EFNB1: variants seen among roughly 807,000 people sequenced by gnomAD.
The protein encoded by EFNB1 is ephrin-B1.
In EFNB1, 1 loss-of-function variant was observed where a neutral mutation model predicts 18.1. The ratio of observed to expected loss-of-function variants is 0.06; its 90% CI spans 0.02 to 0.26. The LOEUF (loss-of-function observed/expected upper bound fraction) is 0.26, where lower values mean the gene tolerates loss of function less well. Among genes scored for constraint, EFNB1 ranks in the 10% least tolerant of loss-of-function variants. The pLI is 1.00. For synonymous variants in EFNB1, 131 were observed against 127.5 expected, an observed-to-expected ratio of 1.03 and a Z score of -0.19; for missense variants, 221 against 301.8, an observed-to-expected ratio of 0.73 and a Z score of 1.98.
At chrX:68,831,817 G>A (rs911046217) in intron 1 of EFNB1, among the ~76,000 whole-genome samples, 3 of 110,401 alleles carry the variant, frequency 2.7e-5, no homozygotes, top group African/African-American at 9.9e-5. Flanking sequence ...TACAGGTTTT[G>A]GGGGGTGGTA....
At chrX:68,833,084 G>C (rs889087848) in intron 1 of EFNB1, among the ~76,000 whole-genome samples, 2 of 110,251 alleles carry the variant, frequency 1.8e-5, no homozygotes, top group Admixed American at 1.9e-4. Context: ...GGGTGGGGGT[G>C]GGGGGGTTCA....
intron 3 of EFNB1, 55 bp downstream of exon 3, chrX:68,839,811 G>T: frequency 2.5e-6 from 3 of 1,178,817 alleles, no homozygotes; most frequent in Non-Finnish European, 3.4e-6. Flanking sequence ...CTTTGGAACA[G>T]ATGTTCCTGG....
At chrX:68,838,112 G>T (rs1036982634) in intron 1 of EFNB1, among the ~76,000 whole-genome samples, 6 of 103,774 alleles carry the variant, frequency 5.8e-5, no homozygotes, top group Non-Finnish European at 1.2e-4. Flanking sequence ...ACATGTGTGG[G>T]CTTGCTGTGT....
chrX:68,829,636 C>A lies in EFNB1; in HGVS notation c.-141C>A. 9.8e-7 allele frequency: 1 copy of A among 1,018,717 alleles called. No individual in the cohort carries two copies. Among genetic ancestry groups the A allele is most frequent in the Non-Finnish European group, 1.3e-6 (1 of 752,551 alleles). 84.0% of individuals were successfully genotyped at this position (1,018,717 alleles called of 1,213,427 possible). On this transcript the variant is annotated 5_prime_UTR_variant, in exon 1 of 5. Coordinates refer to ENST00000204961, the MANE Select transcript of EFNB1 (RefSeq NM_004429.5). The stretch of plus-strand genomic sequence containing the variant: ...CGGAGAAGAGCGACACCGAAGCCGG[C>A]GGGAGGGGAGCACTTCAAGGCCGGC...
chrX:68,838,594 A>T (rs2080468344), intron 1 of EFNB1, 23 bp from the exon 2 acceptor site: 2 of 1,209,895 alleles, frequency 1.7e-6, no homozygotes, highest in Non-Finnish European at 2.2e-6. Flanking sequence ...CCTGAGGCTG[A>T]CCATCTTCTT....
Position 68,838,676 on chromosome X carries a change from T to C in EFNB1, c.188T>C (p.Ile63Thr). The change falls in exon 2 of 5, where the codon ATC (isoleucine) becomes ACC (threonine). Residue 63 changes from isoleucine to threonine, a missense_variant. Transcript: ENST00000204961. ...YPKIGDKLDI[I>T]CPRAEAGRPY... The stretch of plus-strand genomic sequence containing the variant: ...AAAATTGGAGACAAGCTGGACATCA[T>C]CTGCCCCCGAGCAGAAGCAGGGCGG... 8.3e-7 allele frequency: 1 copy of C among 1,211,633 alleles called. No homozygotes were observed. Among genetic ancestry groups the C allele is most frequent in the Non-Finnish European group, 1.1e-6 (1 of 895,499 alleles).
At chrX:68,830,451 C>T (rs1473238160) in intron 1 of EFNB1, among the ~76,000 whole-genome samples, 3 of 113,212 alleles carry the variant, frequency 2.6e-5, no homozygotes, top group Non-Finnish European at 3.7e-5. Flanking sequence ...CTGTTTTCCT[C>T]CCTGGCTTTT....
At chrX:68,832,403 C>T (rs976590797) in intron 1 of EFNB1, among the ~76,000 whole-genome samples, 3 of 111,399 alleles carry the variant, frequency 2.7e-5, no homozygotes, top group South Asian at 3.8e-4. Context: ...CTCTTCCTTC[C>T]CCTCTTCCTC....
intron 2 of EFNB1, among the ~76,000 whole-genome samples, chrX:68,839,103 G>T (rs2147976625): frequency 8.9e-6 from 1 of 112,448 alleles, no homozygotes; most frequent in South Asian, 3.7e-4. Flanking sequence ...CTTGGCTCCA[G>T]GGGTTGGGCA....
intron 1 of EFNB1, among the ~76,000 whole-genome samples, chrX:68,830,778 T>A (rs980249370): frequency 1.8e-5 from 2 of 112,772 alleles, no homozygotes; most frequent in Non-Finnish European, 3.8e-5. Flanking sequence ...TGTGCTTAGT[T>A]TTCCCCAAGG....
chrX:68,838,488 G>A, intron 1 of EFNB1, 129 bp from the exon 2 acceptor site: 9 of 760,426 alleles, frequency 1.2e-5, no homozygotes, highest in Non-Finnish European at 1.6e-5. Context: ...GATGGAGGAA[G>A]GGCAGAAGGC....
intron 1 of EFNB1, among the ~76,000 whole-genome samples, chrX:68,836,031 GT>G: frequency 8.9e-6 from 1 of 111,816 alleles, no homozygotes; most frequent in South Asian, 3.8e-4. Context: ...GCATATATAT[GT>G]GTTGTTAAGA....
At chrX:68,839,413 A>G (rs1400714379) in intron 2 of EFNB1, among the ~76,000 whole-genome samples, 3 of 112,387 alleles carry the variant, frequency 2.7e-5, no homozygotes, top group Admixed American at 1.9e-4. Context: ...CCGAGGGGCC[A>G]TGGCCTGCTC....
chrX:68,831,635 T>C (rs762575754), intron 1 of EFNB1, among the ~76,000 whole-genome samples: 4 of 111,197 alleles, frequency 3.6e-5, no homozygotes, highest in South Asian at 7.7e-4. Flanking sequence ...TAGCCCATCA[T>C]AGGGGCTCAT....
Position 68,840,839 on chromosome X carries a change from A to G in EFNB1, c.*185A>G. ...TTCGGAGGGGGGTGCTTGTGCCCCTAACCCCCATGCTCTTGTGCCTTCCCC... is the reference window on the plus strand; with the variant it reads ...TTCGGAGGGGGGTGCTTGTGCCCCTGACCCCCATGCTCTTGTGCCTTCCCC... On this transcript the variant is annotated 3_prime_UTR_variant, in exon 5 of 5. Coordinates refer to ENST00000204961, the MANE Select transcript of EFNB1 (RefSeq NM_004429.5). 1 of 503,616 alleles carries G rather than the reference A, an allele frequency of 2.0e-6. No individual in the cohort carries two copies. The highest frequency in any genetic ancestry group is 3.3e-6 in the Non-Finnish European group (1 of 302,495). 41.5% of individuals were successfully genotyped at this position (503,616 alleles called of 1,213,427 possible). A position where few individuals can be genotyped will look rare whatever the true frequency, so the allele number is the denominator to read the frequency against.
chrX:68,840,557 C>T lies in EFNB1; in HGVS notation c.944C>T (p.Pro315Leu), dbSNP rs746829979. The T allele has an allele frequency of 8.3e-7, 1 of 1,211,375 alleles. No homozygotes were observed. Among genetic ancestry groups the T allele is most frequent in the Non-Finnish European group, 1.1e-6 (1 of 895,337 alleles). The change falls in exon 5 of 5, where the codon CCC becomes CTC. Residue 315 changes from proline to leucine, a missense_variant. By Grantham distance (98) the Pro-to-Leu change is moderately conservative (BLOSUM62 -3). Coordinates refer to ENST00000204961, the MANE Select transcript of EFNB1 (RefSeq NM_004429.5). Reference sequence around the variant, plus strand: ...CGGACTACAGAGAACAACTACTGCCCCCACTATGAGAAGGTGAGTGGGGAC... The same window carrying T: ...CGGACTACAGAGAACAACTACTGCCTCCACTATGAGAAGGTGAGTGGGGAC... ...PLRTTENNYCPHYEKVSGDYG... is the reference protein window; with the variant it reads ...PLRTTENNYCLHYEKVSGDYG...
intron 1 of EFNB1, 128 bp downstream of exon 1, chrX:68,830,032 T>C (rs2080440397): frequency 1.1e-6 from 1 of 944,555 alleles, no homozygotes; most frequent in Non-Finnish European, 1.4e-6. Flanking sequence ...TCCGGCTTTT[T>C]CGAGTGTTTT....
intron 1 of EFNB1, among the ~76,000 whole-genome samples, 176 bp downstream of exon 1, chrX:68,830,080 G>A (rs1382059931): frequency 1.8e-5 from 2 of 111,373 alleles, no homozygotes; most frequent in East Asian, 2.9e-4. Context: ...GCGGCGGGGT[G>A]GGGTAGGGGC....
rs1418516040 is a variant in EFNB1 at position 68,840,808 on chromosome X, CT to C, written c.*155del. The C allele has an allele frequency of 9.2e-6, 6 of 651,421 alleles. No individual in the cohort carries two copies. Among genetic ancestry groups the C allele is most frequent in the African/African-American group, 8.8e-5 (4 of 45,559 alleles). 53.7% of individuals were successfully genotyped at this position (651,421 alleles called of 1,213,427 possible). A position where few individuals can be genotyped will look rare whatever the true frequency, so the allele number is the denominator to read the frequency against. ...TATAATCCCCCTTTTTCCCTGCCCC[CT>C]GGGCTTCGGAGGGGGGTGCTTGTGC... is the stretch of plus-strand genomic sequence containing the variant. On this transcript the variant is annotated 3_prime_UTR_variant, in exon 5 of 5. Coordinates refer to ENST00000204961, the MANE Select transcript of EFNB1 (RefSeq NM_004429.5).
Sources: gnomAD v4.1 joint callset for allele counts (sites outside exome capture counted in the v4.1 genomes callset) on GRCh38, gnomAD v4.1.1 for gene constraint, MANE v1.5 for transcripts, NCBI Gene and HGNC (gene_info 2026-07-23, HGNC 2026-07-21) for gene names.